ZNF804B: variants seen among roughly 807,000 people sequenced by gnomAD.
The protein encoded by ZNF804B is zinc finger 804B.
A neutral mutation model predicts 101.4 loss-of-function variants in ZNF804B; 80 were observed. That is an observed-to-expected ratio of 0.79 (90% CI 0.66 to 0.95). The LOEUF (loss-of-function observed/expected upper bound fraction) is 0.95, where lower values mean the gene tolerates loss of function less well. Ranked by LOEUF, ZNF804B falls within the 40% of genes least tolerant of loss-of-function variation. The pLI, the probability that ZNF804B is intolerant of heterozygous loss-of-function variation, is 0.00. For missense variants in ZNF804B, 1,673 were observed against 1,561.9 expected (o/e 1.07, Z -1.20); for synonymous variants, 622 against 558.8 (o/e 1.11, Z -1.59).
chr7:88,953,014 C>A (rs1305517660), intron 1 of ZNF804B, among the ~76,000 whole-genome samples: 1 of 151,708 alleles, frequency 6.6e-6, no homozygotes, highest in East Asian at 2.0e-4. Flanking sequence ...TATAGGAATT[C>A]GAAGTGTTTC....
intron 1 of ZNF804B, among the ~76,000 whole-genome samples, chr7:89,120,514 C>T (rs1790386152): frequency 1.3e-5 from 2 of 151,258 alleles, no homozygotes; most frequent in African/African-American, 4.9e-5. Context: ...AAAAATTAGC[C>T]GGGCGTGGTG....
intron 1 of ZNF804B, among the ~76,000 whole-genome samples, chr7:88,951,289 G>C (rs1487646261): frequency 1.3e-5 from 2 of 151,826 alleles, no homozygotes; most frequent in African/African-American, 4.8e-5. Context: ...AAGAAAATCT[G>C]ATAGGTATGC....
chr7:88,966,594 A>G (rs1793458356), intron 1 of ZNF804B, among the ~76,000 whole-genome samples: 1 of 151,536 alleles, frequency 6.6e-6, no homozygotes, highest in South Asian at 2.1e-4. Flanking sequence ...GTTGTAACCT[A>G]TTTGTAGAAT....
intron 1 of ZNF804B, among the ~76,000 whole-genome samples, chr7:88,984,940 A>C (rs1793739605): frequency 1.3e-5 from 2 of 152,006 alleles, no homozygotes; most frequent in African/African-American, 4.8e-5. Context: ...CTTACACTAA[A>C]ACCCTTGACA....
chr7:89,279,025 A>T (rs1180070208), intron 2 of ZNF804B, among the ~76,000 whole-genome samples: 6 of 152,038 alleles, frequency 3.9e-5, no homozygotes, highest in African/African-American at 1.2e-4. Flanking sequence ...CTTTAATTTC[A>T]TTGAGCAGTG....
At chr7:89,179,008 G>A (rs545882041) in intron 1 of ZNF804B, among the ~76,000 whole-genome samples, 32 of 152,080 alleles carry the variant, frequency 2.1e-4, no homozygotes, top group Admixed American at 4.6e-4. Context: ...TAACCTGTAA[G>A]GTTTCTATTG....
intron 1 of ZNF804B, among the ~76,000 whole-genome samples, chr7:89,007,103 C>T (rs972380623): frequency 6.6e-6 from 1 of 152,020 alleles, no homozygotes; most frequent in Non-Finnish European, 1.5e-5. Flanking sequence ...TTAATTCATT[C>T]TCAGCCTCCA....
intron 1 of ZNF804B, among the ~76,000 whole-genome samples, chr7:88,842,273 C>G (rs1449465727): frequency 6.6e-6 from 1 of 152,128 alleles, no homozygotes; most frequent in East Asian, 1.9e-4. Flanking sequence ...GCCAAATAAG[C>G]TGGTTCCATT....
intron 1 of ZNF804B, among the ~76,000 whole-genome samples, chr7:88,987,081 A>G (rs865860321): frequency 5.9e-5 from 9 of 152,098 alleles, no homozygotes; most frequent in South Asian, 2.1e-4. Flanking sequence ...AAGGATGGCT[A>G]CTTACTTGTC....
chr7:89,279,041 T>A (rs1790035553), intron 2 of ZNF804B, among the ~76,000 whole-genome samples: 1 of 152,306 alleles, frequency 6.6e-6, no homozygotes, highest in East Asian at 1.9e-4. Flanking sequence ...CAGTGGTTTG[T>A]AGTTCTCCTT....
At chr7:88,808,664 A>C (rs1790728839) in intron 1 of ZNF804B, among the ~76,000 whole-genome samples, 1 of 152,168 alleles carries the variant, frequency 6.6e-6, no homozygotes, top group Non-Finnish European at 1.5e-5. Context: ...AAAATATGTA[A>C]AATACAATGA....
At chr7:88,875,048 C>T (rs1398697647) in intron 1 of ZNF804B, among the ~76,000 whole-genome samples, 1 of 130,654 alleles carries the variant, frequency 7.7e-6, no homozygotes, top group African/African-American at 3.2e-5. Flanking sequence ...ACAACCTGCT[C>T]CTGAATGACT....
In ZNF804B at chr7:89,309,713, T is replaced by C. The variant is rs182946967; in HGVS notation, c.250-17631T>C. Reference sequence around the variant, plus strand: ...AGGCGGAGGTTACAATGAGCCGAGATTGTGCCACTGCACTCCAGCCTGGGC... The same window carrying C: ...AGGCGGAGGTTACAATGAGCCGAGACTGTGCCACTGCACTCCAGCCTGGGC... On this transcript the variant is annotated intron_variant, in intron 2 of 3. Coordinates refer to ENST00000333190, the MANE Select transcript of ZNF804B (RefSeq NM_181646.5). Among the ~76,000 whole-genome samples the C allele has an allele frequency of 2.4e-3, 323 of 134,284 alleles. 2 individuals carry two copies. The highest frequency in any genetic ancestry group is 9.0e-3 in the African/African-American group (313 of 34,718). The allele number at this position is 134,284 out of a possible 152,430, so 88.1% of individuals were successfully genotyped here.
At chr7:89,299,506 C>A (rs1790445016) in intron 2 of ZNF804B, among the ~76,000 whole-genome samples, 1 of 151,946 alleles carries the variant, frequency 6.6e-6, no homozygotes, top group African/African-American at 2.4e-5. Flanking sequence ...TTCATATATG[C>A]CAACTAAAGG....
At chr7:89,273,923 A>T (rs1357941970) in intron 2 of ZNF804B, among the ~76,000 whole-genome samples, 37 of 117,278 alleles carry the variant, frequency 3.2e-4, no homozygotes, top group Admixed American at 2.9e-3. Flanking sequence ...AATCTCAATA[A>T]GAGATTTTTT....
intron 1 of ZNF804B, among the ~76,000 whole-genome samples, chr7:88,832,744 T>C (rs1359714246): frequency 6.6e-6 from 1 of 151,980 alleles, no homozygotes; most frequent in African/African-American, 2.4e-5. Context: ...CATTGCTGTT[T>C]GAAATTTCCC....
intron 1 of ZNF804B, among the ~76,000 whole-genome samples, chr7:89,031,462 G>T (rs1477386170): frequency 6.6e-6 from 1 of 151,954 alleles, no homozygotes; most frequent in Non-Finnish European, 1.5e-5. Context: ...TCTCCAAAAA[G>T]CTTGTCACAA....
intron 1 of ZNF804B, among the ~76,000 whole-genome samples, chr7:89,191,570 C>T (rs568719975): frequency 4.5e-4 from 68 of 152,158 alleles, no homozygotes; most frequent in Admixed American, 3.2e-3. Flanking sequence ...TAGAGGGTAT[C>T]GATTAACTGT....
chr7:89,335,090 C>T lies in ZNF804B; in HGVS notation c.2108C>T (p.Ser703Leu). ...NQRYKRYSPQ[S>L]CLSRYSSSLD... Reference sequence around the variant, plus strand: ...AGATACAAGAGATACTCTCCACAGTCATGTTTGAGTAGATATTCTTCCTCT... The same window carrying T: ...AGATACAAGAGATACTCTCCACAGTTATGTTTGAGTAGATATTCTTCCTCT... The change falls in exon 4 of 4, where the codon TCA becomes TTA. Residue 703 changes from serine to leucine, a missense_variant. Physicochemically the swap from Ser to Leu is moderately radical, Grantham distance 145. Coordinates refer to ENST00000333190, the MANE Select transcript of ZNF804B (RefSeq NM_181646.5). 6.2e-7 allele frequency: 1 copy of T among 1,613,814 alleles called. No individual in the cohort carries two copies. Among genetic ancestry groups the T allele is most frequent in the East Asian group, 2.2e-5 (1 of 44,858 alleles).
Sources: allele counts gnomAD v4.1 joint callset (sites outside exome capture counted in the v4.1 genomes callset), GRCh38; gene constraint gnomAD v4.1.1; transcripts MANE v1.5; gene names NCBI Gene and HGNC (gene_info 2026-07-23, HGNC 2026-07-21).